Variants in KCNH7 observed in about 807,000 individuals in gnomAD.
KCNH7 encodes voltage-gated inwardly rectifying potassium channel KCNH7.
In KCNH7, 49 loss-of-function variants were observed where a neutral mutation model predicts 120.8. The observed-to-expected ratio is 0.41, with a 90% CI of 0.32 to 0.51. KCNH7 has a LOEUF of 0.51. Among genes scored for constraint, KCNH7 ranks in the 20% least tolerant of loss-of-function variants. The pLI is 0.38. For synonymous variants in KCNH7, 547 were observed against 516.1 expected (o/e 1.06, Z -0.81); for missense variants, 1,097 against 1,446.6 (o/e 0.76, Z 3.92).
At chr2:162,654,530 C>G (rs1043859075) in intron 2 of KCNH7, among the ~76,000 whole-genome samples, 6 of 151,660 alleles carry the variant, frequency 4.0e-5, no homozygotes, top group African/African-American at 1.5e-4. Context: ...AAAAGGAAAA[C>G]CTTGCACACT....
In KCNH7 at chr2:162,765,182, G is replaced by GC. The variant is rs577304326; in HGVS notation, c.307+71354dup. On this transcript the variant is annotated intron_variant, in intron 2 of 15. Coordinates refer to ENST00000332142, the MANE Select transcript of KCNH7 (RefSeq NM_033272.4). ...GGGAACAAGGTGGAAGAAAAAGAAA[G>GC]CCTGATTGCAGGGTGCAGAAAAAGG... Among the ~76,000 whole-genome samples the GC allele has an allele frequency of 1.8e-4, 28 of 152,250 alleles. No individual in the cohort carries two copies. In the East Asian group the frequency reaches 5.4e-3, roughly 29 times the overall value.
chr2:162,618,135 C>A (rs1683214615), intron 2 of KCNH7, among the ~76,000 whole-genome samples: 1 of 151,644 alleles, frequency 6.6e-6, no homozygotes. Flanking sequence ...AACAAAAGAC[C>A]GATTAGGTTT....
At chr2:162,638,120 G>A (rs557156276) in intron 2 of KCNH7, among the ~76,000 whole-genome samples, 12 of 152,166 alleles carry the variant, frequency 7.9e-5, no homozygotes, top group African/African-American at 2.9e-4. Flanking sequence ...TAGTTGCAAC[G>A]TGATCTGGAG....
At position 162,653,387 on chromosome 2, in the gene KCNH7, TATACAAAAATCAAC is replaced by T. The variant is rs568417424; in HGVS notation, c.308-116321_308-116308del. ...ATAAATTAATTCAGTAAAGTTGTAGTATACAAAAATCAACATACAAAAATCAGTAGCAGTTCTAT... is the reference window on the plus strand; with the variant it reads ...ATAAATTAATTCAGTAAAGTTGTAGTATACAAAAATCAGTAGCAGTTCTAT... On this transcript the variant is annotated intron_variant, in intron 2 of 15. Transcript: ENST00000332142. Among the ~76,000 whole-genome samples, 436 of 152,274 alleles carry T rather than the reference TATACAAAAATCAAC, an allele frequency of 2.9e-3. 2 individuals are homozygous for T. Among genetic ancestry groups the T allele is most frequent in the Non-Finnish European group, 4.7e-3 (318 of 68,010 alleles).
In KCNH7 at chr2:162,816,846, GT is replaced by G. The variant is rs373547353; in HGVS notation, c.307+19690del. On this transcript the variant is annotated intron_variant, in intron 2 of 15. Coordinates refer to ENST00000332142, the MANE Select transcript of KCNH7 (RefSeq NM_033272.4). ...CAGGATATTTCTAGTATCTTTCAAT[GT>G]TGAAAATTTTTTTTAAAAATACAGA... is the stretch of plus-strand genomic sequence containing the variant. Among the ~76,000 whole-genome samples the G allele has an allele frequency of 7.2e-3, 1,093 of 152,192 alleles. 2 individuals carry two copies. The highest frequency in any genetic ancestry group is 0.011 in the Non-Finnish European group (772 of 67,976).
intron 2 of KCNH7, among the ~76,000 whole-genome samples, chr2:162,684,626 T>C (rs567358285): frequency 2.0e-5 from 3 of 152,080 alleles, no homozygotes; most frequent in Non-Finnish European, 4.4e-5. Context: ...ATTAGAGAAA[T>C]GCAAATCAAA....
At chr2:162,667,477 C>T (rs1685179753) in intron 2 of KCNH7, among the ~76,000 whole-genome samples, 1 of 152,128 alleles carries the variant, frequency 6.6e-6, no homozygotes, top group South Asian at 2.1e-4. Flanking sequence ...TCTCCTGTGC[C>T]TTTACCTCTG....
intron 9 of KCNH7, among the ~76,000 whole-genome samples, chr2:162,404,515 G>C (rs555900650): frequency 7.2e-5 from 11 of 151,974 alleles, no homozygotes; most frequent in Non-Finnish European, 1.2e-4. Context: ...CCATGGTTTG[G>C]TGCTGTCTTC....
chr2:162,503,022 A>G (rs796273725), intron 6 of KCNH7, among the ~76,000 whole-genome samples: 9 of 152,224 alleles, frequency 5.9e-5, no homozygotes, highest in African/African-American at 2.2e-4. Flanking sequence ...ATTTGCAAGC[A>G]TTCATTAATT....
At chr2:162,556,249 C>T (rs1298573939) in intron 2 of KCNH7, among the ~76,000 whole-genome samples, 1 of 152,006 alleles carries the variant, frequency 6.6e-6, no homozygotes, top group East Asian at 1.9e-4. Flanking sequence ...TACTATATTC[C>T]AGGCTCTGTT....
intron 8 of KCNH7, among the ~76,000 whole-genome samples, chr2:162,432,611 A>G (rs1486909656): frequency 6.6e-6 from 1 of 152,070 alleles, no homozygotes; most frequent in Non-Finnish European, 1.5e-5. Context: ...CTTAAAATCC[A>G]AAATTTTCCT....
rs940847427 is a variant in KCNH7, at chr2:162,779,262, G to A, written c.307+57275C>T. Reference sequence around the variant, plus strand: ...GTTGCCCAGGCTGGAGTACAGTGGCGTAATCTCGGCTCACTGCAACCTCCA... The same window carrying A: ...GTTGCCCAGGCTGGAGTACAGTGGCATAATCTCGGCTCACTGCAACCTCCA... On this transcript the variant is annotated intron_variant, in intron 2 of 15. Coordinates refer to ENST00000332142, the MANE Select transcript of KCNH7 (RefSeq NM_033272.4). Among the ~76,000 whole-genome samples the A allele has an allele frequency of 6.6e-5, 10 of 151,994 alleles. No homozygotes were observed. The South Asian group carries it at 8.3e-4, about 13-fold the overall frequency.
intron 3 of KCNH7, among the ~76,000 whole-genome samples, chr2:162,535,049 C>T (rs895900720): frequency 2.6e-5 from 4 of 151,720 alleles, no homozygotes; most frequent in East Asian, 3.9e-4. Flanking sequence ...ATTTCAGCAC[C>T]CATTATTAAA....
chr2:162,419,568 G>T (rs1303381670), intron 9 of KCNH7, among the ~76,000 whole-genome samples: 1 of 152,050 alleles, frequency 6.6e-6, no homozygotes, highest in Admixed American at 6.6e-5. Flanking sequence ...TCCCTATTCT[G>T]CATTTTTTAT....
At chr2:162,525,223 G>A (rs1247593291) in intron 3 of KCNH7, among the ~76,000 whole-genome samples, 2 of 151,950 alleles carry the variant, frequency 1.3e-5, no homozygotes, top group Non-Finnish European at 2.9e-5. Context: ...GACCAAATTG[G>A]AATCTGTAAG....
chr2:162,376,394 C>A (rs1686183507), intron 14 of KCNH7, among the ~76,000 whole-genome samples: 1 of 145,074 alleles, frequency 6.9e-6, no homozygotes, highest in Admixed American at 7.2e-5. Context: ...TAGATGGAGT[C>A]TTGCTCTGTC....
At chr2:162,602,928 G>A (rs1489522070) in intron 2 of KCNH7, among the ~76,000 whole-genome samples, 2 of 151,176 alleles carry the variant, frequency 1.3e-5, no homozygotes, top group African/African-American at 4.9e-5. Flanking sequence ...TGAGGAGGAG[G>A]AGGAGGTTGA....
intron 2 of KCNH7, among the ~76,000 whole-genome samples, chr2:162,685,429 T>C (rs1447571533): frequency 1.3e-5 from 2 of 152,098 alleles, no homozygotes; most frequent in Admixed American, 6.6e-5. Context: ...AACATTGGTA[T>C]AGTACAAGGT....
intron 10 of KCNH7, among the ~76,000 whole-genome samples, chr2:162,399,938 G>C (rs778609477): frequency 3.1e-4 from 47 of 151,850 alleles, no homozygotes; most frequent in Non-Finnish European, 5.6e-4. Flanking sequence ...CAAATGTCTA[G>C]GTAGCTGCCA....
Sources: allele counts gnomAD v4.1 joint callset (sites outside exome capture counted in the v4.1 genomes callset), GRCh38; gene constraint gnomAD v4.1.1; transcripts MANE v1.5; gene names NCBI Gene and HGNC (gene_info 2026-07-23, HGNC 2026-07-21).